SNRPN: variants seen among roughly 807,000 people sequenced by gnomAD.
The protein encoded by SNRPN is small nuclear ribonucleoprotein-associated protein N.
Under a neutral mutation model 25.2 loss-of-function variants are expected in SNRPN, and 7 were observed. The ratio of observed to expected loss-of-function variants is 0.28; its 90% confidence interval spans 0.16 to 0.52. The LOEUF is 0.52. Ranked by LOEUF, SNRPN falls within the 20% of genes least tolerant of loss-of-function variation. SNRPN has a pLI of 0.96. For missense variants in SNRPN, 196 were observed against 322.5 expected (o/e 0.61, Z 3.00); for synonymous variants, 124 against 110.6 (o/e 1.12, Z -0.76).
intron 1 of SNRPN, among the ~76,000 whole-genome samples, chr15:24,857,659 T>G (rs1388154746): frequency 6.6e-6 from 1 of 152,116 alleles, no homozygotes; most frequent in Non-Finnish European, 1.5e-5. Context: ...TTGTTTAGGC[T>G]CAACCTTTGA....
chr15:24,823,713 G>A (rs2049893903), exon 1 of SNRPN: 1 of 152,216 alleles, frequency 6.6e-6, no homozygotes, highest in African/African-American at 2.4e-5. Flanking sequence ...CGGGGGCAAG[G>A]TCAGCTGCCC....
At chr15:24,852,437 T>C (rs1178236497), upstream of SNRPN, among the ~76,000 whole-genome samples, 1 of 152,204 alleles carries the variant, frequency 6.6e-6, no homozygotes, top group Non-Finnish European at 1.5e-5. Context: ...TGCAAAAGTT[T>C]CTCAGTCACC....
chr15:24,914,126 C>T (rs1402468562), intron 2 of SNRPN, among the ~76,000 whole-genome samples: 1 of 151,990 alleles, frequency 6.6e-6, no homozygotes, highest in South Asian at 2.1e-4. Context: ...CTTTTGTCTT[C>T]GCAACTCTAT....
intron 7 of SNRPN, 73 bp downstream of exon 7, chr15:24,977,102 C>T (rs2077144038): frequency 1.6e-6 from 2 of 1,269,972 alleles, no homozygotes; most frequent in East Asian, 2.5e-5. Flanking sequence ...GATTTAAAAA[C>T]CTAAGTGTAT....
intron 2 of SNRPN, among the ~76,000 whole-genome samples, chr15:24,830,905 T>C (rs2050460590): frequency 6.6e-6 from 1 of 152,062 alleles, no homozygotes; most frequent in Non-Finnish European, 1.5e-5. Context: ...CTGCCCGTTG[T>C]TGGATAAAGT....
At chr15:24,855,781 G>T (rs1051646716), upstream of SNRPN, among the ~76,000 whole-genome samples, 6 of 100,886 alleles carry the variant, frequency 5.9e-5, no homozygotes, top group South Asian at 3.9e-4. Context: ...AACAGAGCGA[G>T]AATCTGTCTC....
intron 3 of SNRPN, among the ~76,000 whole-genome samples, chr15:24,947,800 T>C (rs1445194709): frequency 6.6e-6 from 1 of 152,142 alleles, no homozygotes; most frequent in Non-Finnish European, 1.5e-5. Flanking sequence ...TGTCTGAAAC[T>C]AAGGAAAAAG....
chr15:24,833,682 C>T (rs377012120), intron 2 of SNRPN, among the ~76,000 whole-genome samples: 2 of 145,838 alleles, frequency 1.4e-5, no homozygotes, highest in East Asian at 4.3e-4. Context: ...GGCAATAGAC[C>T]ATCAAGGAGA....
chr15:24,839,553 A>G (rs567659011), intron 2 of SNRPN, among the ~76,000 whole-genome samples: 1 of 152,200 alleles, frequency 6.6e-6, no homozygotes, highest in East Asian at 1.9e-4. Flanking sequence ...CGGCCCACAC[A>G]TTGGTGAAAT....
At chr15:24,881,584 GGAGAGAGAGAGAGAGA>G (rs1157961647) in intron 1 of SNRPN, among the ~76,000 whole-genome samples, 71 of 57,672 alleles carry the variant, frequency 1.2e-3, no homozygotes, top group African/African-American at 3.9e-3. Context: ...AGGGAGGGAG[GGAGAGAGAGAGAGAGA>G]GAGAGAGAGA....
intron 2 of SNRPN, among the ~76,000 whole-genome samples, chr15:24,887,570 G>A (rs1283189897): frequency 6.6e-6 from 1 of 152,130 alleles, no homozygotes; most frequent in Admixed American, 6.5e-5. Context: ...TTGGGAGGCC[G>A]AGGCAGGCTC....
At chr15:24,882,494 A>G (rs1446674386) in intron 1 of SNRPN, among the ~76,000 whole-genome samples, 1 of 152,092 alleles carries the variant, frequency 6.6e-6, no homozygotes, top group East Asian at 1.9e-4. Context: ...TCGACTTACA[A>G]TGGGGTTATG....
intron 2 of SNRPN, among the ~76,000 whole-genome samples, chr15:24,841,676 T>C (rs2051717496): frequency 6.6e-6 from 1 of 152,214 alleles, no homozygotes; most frequent in Non-Finnish European, 1.5e-5. Flanking sequence ...TAGGTGGCAG[T>C]GTTCCTTTAT....
intron 1 of SNRPN, among the ~76,000 whole-genome samples, chr15:24,958,035 C>T (rs2063201554): frequency 6.6e-6 from 1 of 152,104 alleles, no homozygotes; most frequent in Admixed American, 6.5e-5. Flanking sequence ...ATGTTGTTGT[C>T]TAAGGCAGGG....
At chr15:24,970,234 C>T (rs759891468) in intron 3 of SNRPN, among the ~76,000 whole-genome samples, 7 of 152,010 alleles carry the variant, frequency 4.6e-5, no homozygotes, top group African/African-American at 1.2e-4. Flanking sequence ...ACTTCGTACC[C>T]GTTTTCATTA....
Position 24,883,961 on chromosome 15 carries a change from G to GT in SNRPN, c.-578-2554dup, listed in dbSNP as rs1440919748. Among the ~76,000 whole-genome samples, 3 of 144,604 alleles carry GT rather than the reference G, an allele frequency of 2.1e-5. No homozygotes were observed. The Admixed American group carries it at 2.2e-4, about 11-fold the overall frequency. 94.9% of individuals were successfully genotyped at this position (144,604 alleles called of 152,430 possible). A position where few individuals can be genotyped will look rare whatever the true frequency, so the allele number is the denominator to read the frequency against. On this transcript the variant is annotated intron_variant, in intron 1 of 11. Transcript: ENST00000400097. ...GTGGAGGTTGCAGTGAGCTGAGATC[G>GT]TGTCACTGCACTCCAGCTGGGACAA...
intron 1 of SNRPN, among the ~76,000 whole-genome samples, chr15:24,867,720 G>C (rs1255792589): frequency 6.6e-6 from 1 of 152,018 alleles, no homozygotes; most frequent in African/African-American, 2.4e-5. Flanking sequence ...CTTGTTTTTT[G>C]ATCCACTCCA....
At chr15:24,895,994 A>G (rs1051057650) in intron 2 of SNRPN, among the ~76,000 whole-genome samples, 5 of 152,256 alleles carry the variant, frequency 3.3e-5, no homozygotes, top group African/African-American at 1.2e-4. Context: ...CATAATATTA[A>G]TAATAATTCA....
rs574446926 is a variant in SNRPN, at chr15:24,947,205, G to C, written c.-390-14909G>C. Among the ~76,000 whole-genome samples the C allele has an allele frequency of 2.6e-5, 4 of 152,286 alleles. No homozygotes were observed. The South Asian group carries it at 8.3e-4, about 32-fold the overall frequency. ...TAATTATTTCAGATTACTATTAGTA[G>C]AAGTGCTTTTTTAAAAGACAAATAT... is the stretch of plus-strand genomic sequence containing the variant. On this transcript the variant is annotated intron_variant, in intron 3 of 11. Coordinates refer to the SNRPN transcript ENST00000400097.
Sources: allele counts gnomAD v4.1 joint callset (sites outside exome capture counted in the v4.1 genomes callset), GRCh38; gene constraint gnomAD v4.1.1; transcripts MANE v1.5; gene names NCBI Gene and HGNC (gene_info 2026-07-23, HGNC 2026-07-21).